TRIP12: variants seen among roughly 807,000 people sequenced by gnomAD.
The protein encoded by TRIP12 is E3 ubiquitin-protein ligase TRIP12.
In TRIP12, 25 loss-of-function variants were observed where a neutral mutation model predicts 244.2. The ratio of observed to expected loss-of-function variants is 0.10; its 90% CI spans 0.07 to 0.14. The LOEUF is 0.14. TRIP12 is among the 10% of genes least tolerant of loss of function. The pLI is 1.00. For synonymous variants in TRIP12, 905 were observed against 873.1 expected (o/e 1.04, Z -0.64); for missense variants, 1,677 against 2,486.4 (o/e 0.67, Z 6.92).
intron 41 of TRIP12, among the ~76,000 whole-genome samples, chr2:229,768,151 A>G (rs1490112771): frequency 1.3e-5 from 2 of 152,158 alleles, no homozygotes; most frequent in African/African-American, 4.8e-5. Flanking sequence ...TCCCAGCTAC[A>G]CAGGAGGCTG....
chr2:229,803,232 G>A (rs972405325), intron 20 of TRIP12, among the ~76,000 whole-genome samples: 2 of 152,156 alleles, frequency 1.3e-5, no homozygotes, highest in African/African-American at 4.8e-5. Context: ...GATTGCTTGA[G>A]GCAAGGAGTT....
intron 6 of TRIP12, among the ~76,000 whole-genome samples, chr2:229,833,314 T>C (rs888830030): frequency 6.6e-6 from 1 of 152,068 alleles, no homozygotes; most frequent in Non-Finnish European, 1.5e-5. Flanking sequence ...TGAGACAGGG[T>C]CTTGCTCTCT....
chr2:229,773,426 C>T (rs1307769293), intron 38 of TRIP12: 1 of 152,204 alleles, frequency 6.6e-6, no homozygotes, highest in Non-Finnish European at 1.5e-5. Flanking sequence ...CTCTGTCGCC[C>T]AGGATCGAGT....
Position 229,811,050 on chromosome 2 carries a change from A to G in TRIP12, c.2056-5T>C. ...AGCAACCTGCTGGAGTAAATTCTTC[A>G]CAAACACAAGAATAAAGGAATTATT... is the stretch of plus-strand genomic sequence containing the variant. On this transcript the variant is annotated splice_polypyrimidine_tract_variant and splice_region_variant and intron_variant, in intron 14 of 41. Coordinates refer to ENST00000675903, the MANE Select transcript of TRIP12 (RefSeq NM_001348323.3). 6.2e-7 allele frequency: 1 copy of G among 1,613,898 alleles called. No homozygotes were observed. Among genetic ancestry groups the G allele is most frequent in the Non-Finnish European group, 8.5e-7 (1 of 1,179,930 alleles).
intron 1 of TRIP12, among the ~76,000 whole-genome samples, chr2:229,914,092 C>T (rs2074900860): frequency 6.6e-6 from 1 of 152,038 alleles, no homozygotes; most frequent in Admixed American, 6.6e-5. Flanking sequence ...CCCAGCTACT[C>T]AGGAGGCTGA....
At chr2:229,910,000 C>T (rs2073953488) in intron 1 of TRIP12, among the ~76,000 whole-genome samples, 1 of 152,218 alleles carries the variant, frequency 6.6e-6, no homozygotes, top group Non-Finnish European at 1.5e-5. Flanking sequence ...CAAGCAACAC[C>T]TTTAAGAGCT....
At chr2:229,872,874 CTTCT>C (rs903425600) in intron 2 of TRIP12, among the ~76,000 whole-genome samples, 21 of 152,170 alleles carry the variant, frequency 1.4e-4, no homozygotes, top group African/African-American at 3.9e-4. Context: ...TGTTTTAAAG[CTTCT>C]TTGAGACTGA....
chr2:229,905,197 C>G (rs1358314011), intron 1 of TRIP12, among the ~76,000 whole-genome samples: 1 of 151,436 alleles, frequency 6.6e-6, no homozygotes, highest in Non-Finnish European at 1.5e-5. Flanking sequence ...TCGCCTGAAC[C>G]TGGGAGGCAG....
intron 2 of TRIP12, among the ~76,000 whole-genome samples, chr2:229,873,859 G>A (rs1369253923): frequency 6.6e-6 from 1 of 151,982 alleles, no homozygotes; most frequent in Non-Finnish European, 1.5e-5. Flanking sequence ...GTGAGAAGTA[G>A]GCAACTGTAT....
chr2:229,908,514 G>A (rs1018218792), intron 1 of TRIP12, among the ~76,000 whole-genome samples: 4 of 151,874 alleles, frequency 2.6e-5, no homozygotes, highest in African/African-American at 9.7e-5. Context: ...GGAGGCCGAG[G>A]CAGGCGGATC....
intron 23 of TRIP12, 104 bp downstream of exon 23, chr2:229,798,771 C>T (rs993728906): frequency 3.3e-6 from 4 of 1,214,354 alleles, no homozygotes; most frequent in East Asian, 4.7e-5. Context: ...AATTAAAGTG[C>T]TGTGTCTATG....
At chr2:229,903,562 G>A (rs768499727) in intron 1 of TRIP12, among the ~76,000 whole-genome samples, 2 of 151,966 alleles carry the variant, frequency 1.3e-5, no homozygotes, top group Admixed American at 6.6e-5. Flanking sequence ...AGGAGCCTGT[G>A]AGCCACAACA....
At chr2:229,875,048 A>C (rs2063347091) in intron 2 of TRIP12, among the ~76,000 whole-genome samples, 1 of 152,204 alleles carries the variant, frequency 6.6e-6, no homozygotes, top group South Asian at 2.1e-4. Context: ...TCAACAGAGA[A>C]GCAGTGGAAA....
intron 1 of TRIP12, among the ~76,000 whole-genome samples, chr2:229,903,011 T>TTTTTC (rs1491156667): frequency 0.047 from 1,231 of 26,166 alleles, 38 homozygotes; most frequent in African/African-American, 0.14. Context: ...TTTCTTTTTC[T>TTTTTC]TTTTTTCTTT....
At position 229,780,353 on chromosome 2, in the gene TRIP12, C is replaced by G. The variant is rs900766350; in HGVS notation, c.5095-1363G>C. 1.4e-4 allele frequency among the ~76,000 whole-genome samples: 21 copies of G among 152,372 alleles called. 1 individual carries two copies. Among genetic ancestry groups the G allele is most frequent in the Admixed American group, 5.9e-4 (9 of 15,312 alleles). On this transcript the variant is annotated intron_variant, in intron 34 of 41. Transcript: ENST00000675903. ...ACCAACTTTACCCAGCTGCCATTCT[C>G]TGTCATCTGGTCCACTGCTAAAGCC...
rs1323646798 is a variant in TRIP12 at position 229,778,132 on chromosome 2, T to C, written c.5364+301A>G. ...CAGACTTTAAAAAATAAATAATTAA[T>C]ACCACCTTAACTTGCCTGATTATCT... On this transcript the variant is annotated intron_variant, in intron 36 of 41. Coordinates refer to ENST00000675903, the MANE Select transcript of TRIP12 (RefSeq NM_001348323.3). The surrounding 1 kb of genome is among the most constrained non-coding windows in gnomAD (Gnocchi z 4.1). Among the ~76,000 whole-genome samples, 1 of 152,170 alleles carries C rather than the reference T, an allele frequency of 6.6e-6. No homozygotes were observed. Among genetic ancestry groups the C allele is most frequent in the African/African-American group, 2.4e-5 (1 of 41,442 alleles).
chr2:229,826,265 A>G (rs2051554349), intron 8 of TRIP12, among the ~76,000 whole-genome samples: 1 of 152,230 alleles, frequency 6.6e-6, no homozygotes, highest in African/African-American at 2.4e-5. Context: ...GCTTGTTAAA[A>G]TACAGACACT....
chr2:229,787,445 T>A, intron 33 of TRIP12, 60 bp downstream of exon 33: 1 of 1,543,876 alleles, frequency 6.5e-7, no homozygotes, highest in Non-Finnish European at 8.8e-7. Context: ...ACTACATTTC[T>A]AGTTTTTCCC....
intron 2 of TRIP12, among the ~76,000 whole-genome samples, chr2:229,867,222 G>A (rs968131635): frequency 1.4e-5 from 2 of 143,526 alleles, no homozygotes; most frequent in Non-Finnish European, 3.0e-5. Context: ...CTGAAGTGTA[G>A]TGGCATGATC....
Sources: allele counts gnomAD v4.1 joint callset (sites outside exome capture counted in the v4.1 genomes callset), GRCh38; gene constraint gnomAD v4.1.1; non-coding constraint Gnocchi (gnomAD v3.1); transcripts MANE v1.5; gene names NCBI Gene and HGNC (gene_info 2026-07-23, HGNC 2026-07-21).